Variants in MAML1 observed in about 807,000 individuals in gnomAD.
MAML1 encodes the protein mastermind-like protein 1.
In MAML1, 14 loss-of-function variants were observed where a neutral mutation model predicts 77.1. That is an observed-to-expected ratio of 0.18 (90% CI 0.12 to 0.28). The LOEUF (loss-of-function observed/expected upper bound fraction) is 0.28. Ranked by LOEUF, MAML1 falls within the 10% of genes least tolerant of loss-of-function variation. The pLI is 1.00. For missense variants in MAML1, 1,217 were observed against 1,327.8 expected (o/e 0.92, Z 1.30); for synonymous variants, 516 against 551.9 (o/e 0.93, Z 0.91).
At position 179,775,942 on chromosome 5, in the gene MAML1, C is replaced by T. The variant is rs146518257; in HGVS notation, c.*1065C>T. 6.4e-5 allele frequency: 63 copies of T among 985,684 alleles called. No individual in the cohort carries two copies. The African/African-American group carries it at 8.7e-4, about 14-fold the overall frequency. The allele number at this position is 985,684 out of a possible 1,614,324, so 61.1% of individuals were successfully genotyped here. On this transcript the variant is annotated 3_prime_UTR_variant, in exon 5 of 5. Transcript: ENST00000292599. ...TTGGGGAAGGAGGCCGTAGGCCGGC[C>T]CGGAGGAAGCAATTCCACTTGGTTT... is the stretch of plus-strand genomic sequence containing the variant.
At chr5:179,765,220 C>A in intron 1 of MAML1, 106 bp from the exon 2 acceptor site, 1 of 943,662 alleles carries the variant, frequency 1.1e-6, no homozygotes, top group Non-Finnish European at 1.6e-6. Flanking sequence ...ACTATGCAAG[C>A]AGAACCCACT....
In MAML1 at chr5:179,766,719, G is replaced by A. The variant is rs142522300; in HGVS notation, c.1709G>A (p.Arg570Gln). 1.6e-4 allele frequency: 257 copies of A among 1,557,770 alleles called. No individual in the cohort carries two copies. Among genetic ancestry groups the A allele is most frequent in the South Asian group, 2.5e-4 (21 of 83,230 alleles). Residue 570 changes from arginine to glutamine, a missense_variant, in exon 2 of 5, where the codon CGA becomes CAA. Transcript: ENST00000292599. This position sits in a 1 kb window ranked among gnomAD's most constrained non-coding sequence, Gnocchi z 4.0. Reference sequence around the variant, plus strand: ...CCAAAGCCAGGAAATATGCCTTTCCGATCACTGGTTCCACCTGGCCAGGTA... The same window carrying A: ...CCAAAGCCAGGAAATATGCCTTTCCAATCACTGGTTCCACCTGGCCAGGTA... ...MKPKPGNMPF[R>Q]SLVPPGQEQN... is the part of the protein sequence containing the mutation.
At chr5:179,748,335 G>C (rs182396018) in intron 1 of MAML1, among the ~76,000 whole-genome samples, 1 of 152,002 alleles carries the variant, frequency 6.6e-6, no homozygotes, top group Non-Finnish European at 1.5e-5. Flanking sequence ...ACCCACCTCA[G>C]CCTCTCAAAG....
intron 1 of MAML1, among the ~76,000 whole-genome samples, chr5:179,755,289 CAAAG>C (rs1779588767): frequency 6.6e-6 from 1 of 152,172 alleles, no homozygotes; most frequent in African/African-American, 2.4e-5. Context: ...AACAAAAAGA[CAAAG>C]AACAGAGTGA....
chr5:179,746,063 G>C (rs1246807592), intron 1 of MAML1, among the ~76,000 whole-genome samples: 1 of 150,622 alleles, frequency 6.6e-6, no homozygotes, highest in Non-Finnish European at 1.5e-5. Context: ...AAAAAAAATG[G>C]CTTGGCACGG....
At chr5:179,752,325 CAAAAAAAAAAA>C (rs1177449054) in intron 1 of MAML1, among the ~76,000 whole-genome samples, 22 of 53,644 alleles carry the variant, frequency 4.1e-4, no homozygotes, top group African/African-American at 8.6e-4. Flanking sequence ...ACTCTGTCTC[CAAAAAAAAAAA>C]AAAAAAAAAA....
At chr5:179,743,386 T>TA (rs1779319652) in intron 1 of MAML1, among the ~76,000 whole-genome samples, 1 of 142,290 alleles carries the variant, frequency 7.0e-6, no homozygotes, top group Admixed American at 7.0e-5. Context: ...TTTTTTTTTT[T>TA]AAGAGAGTCT....
In MAML1 at chr5:179,771,620, CT is replaced by C. The variant is rs1755992563; in HGVS notation, c.2068+379del. Among the ~76,000 whole-genome samples the C allele has an allele frequency of 6.6e-6, 1 of 152,252 alleles. No homozygotes were observed. Among genetic ancestry groups the C allele is most frequent in the African/African-American group, 2.4e-5 (1 of 41,460 alleles). ...ATCTTCCAGATAAGGACTTAATGCA[CT>C]TGCGTGGCCTTTGGCTTCTTTCTCT... On this transcript the variant is annotated intron_variant, in intron 4 of 4. Coordinates refer to ENST00000292599, the MANE Select transcript of MAML1 (RefSeq NM_014757.5). This position sits in a 1 kb window ranked among gnomAD's most constrained non-coding sequence, Gnocchi z 4.7.
At chr5:179,754,508 A>G (rs1056711665) in intron 1 of MAML1, among the ~76,000 whole-genome samples, 1 of 151,878 alleles carries the variant, frequency 6.6e-6, no homozygotes, top group African/African-American at 2.4e-5. Flanking sequence ...GTGGGAAGAT[A>G]GAGCTCGGGA....
chr5:179,760,855 G>C (rs564294572), intron 1 of MAML1, among the ~76,000 whole-genome samples: 2 of 152,192 alleles, frequency 1.3e-5, no homozygotes, highest in Non-Finnish European at 2.9e-5. Flanking sequence ...ACTTTGGGAG[G>C]CCGAGGTGGG....
rs1045588311 is a variant in MAML1, at chr5:179,736,048, T to C, written c.315+2621T>C. Among the ~76,000 whole-genome samples, 6 of 152,282 alleles carry C rather than the reference T, an allele frequency of 3.9e-5. 1 individual carries two copies. Among genetic ancestry groups the C allele is most frequent in the Admixed American group, 2.6e-4 (4 of 15,300 alleles). On this transcript the variant is annotated intron_variant, in intron 1 of 4. Transcript: ENST00000292599. Reference sequence around the variant, plus strand: ...TTAGGTCGCATCTTTTCAACTAGACTGTCAGCTCTTGGAGGCAGGGAGGGC... The same window carrying C: ...TTAGGTCGCATCTTTTCAACTAGACCGTCAGCTCTTGGAGGCAGGGAGGGC...
Position 179,776,172 on chromosome 5 carries a change from T to C in MAML1, c.*1295T>C. 1 of 985,860 alleles carries C rather than the reference T, an allele frequency of 1.0e-6. No individual in the cohort carries two copies. 61.1% of individuals were successfully genotyped at this position (985,860 alleles called of 1,614,324 possible). A position where few individuals can be genotyped will look rare whatever the true frequency, so the allele number is the denominator to read the frequency against. ...CGAAAGCAAAGTGGTAAGCACAGGG[T>C]GAGACCCTTTTACACAGAATGGTGG... On this transcript the variant is annotated 3_prime_UTR_variant, in exon 5 of 5. Coordinates refer to ENST00000292599, the MANE Select transcript of MAML1 (RefSeq NM_014757.5).
chr5:179,753,654 ATTTTT>A (rs1209995171), intron 1 of MAML1, among the ~76,000 whole-genome samples: 13 of 88,852 alleles, frequency 1.5e-4, no homozygotes, highest in East Asian at 6.6e-4. Flanking sequence ...TATTATTATT[ATTTTT>A]TTTTTTTTTT....
intron 1 of MAML1, among the ~76,000 whole-genome samples, chr5:179,750,069 G>A (rs1779456852): frequency 6.6e-6 from 1 of 152,238 alleles, no homozygotes; most frequent in African/African-American, 2.4e-5. Context: ...CATCCAGCAG[G>A]GGCAGTGCTG....
intron 1 of MAML1, among the ~76,000 whole-genome samples, chr5:179,735,832 C>A: frequency 6.6e-6 from 1 of 152,008 alleles, no homozygotes; most frequent in East Asian, 1.9e-4. Context: ...GGATTACAGG[C>A]GCACACTACC....
intron 1 of MAML1, among the ~76,000 whole-genome samples, chr5:179,761,326 T>G (rs1779721971): frequency 6.6e-6 from 1 of 151,884 alleles, no homozygotes; most frequent in Admixed American, 6.6e-5. Context: ...CCCAGGAGTT[T>G]GAGGCTGCCA....
Position 179,775,782 on chromosome 5 carries a change from A to G in MAML1, c.*905A>G, listed in dbSNP as rs1209010935. On this transcript the variant is annotated 3_prime_UTR_variant, in exon 5 of 5. Coordinates refer to ENST00000292599, the MANE Select transcript of MAML1 (RefSeq NM_014757.5). Reference sequence around the variant, plus strand: ...GTGGTCACTGTGCAGTTGTGCACAGATGTCTTTCCTTTACCGTTGGCCTTT... The same window carrying G: ...GTGGTCACTGTGCAGTTGTGCACAGGTGTCTTTCCTTTACCGTTGGCCTTT... 5 of 985,386 alleles carry G rather than the reference A, an allele frequency of 5.1e-6. No individual in the cohort carries two copies. In the African/African-American group the frequency reaches 7.0e-5, roughly 14 times the overall value. The allele number at this position is 985,386 out of a possible 1,614,324, so 61.0% of individuals were successfully genotyped here. A position where few individuals can be genotyped will look rare whatever the true frequency, so the allele number is the denominator to read the frequency against.
Position 179,769,143 on chromosome 5 carries a change from C to T in MAML1, c.1971+54C>T, listed in dbSNP as rs1025444249. 1.2e-5 allele frequency: 19 copies of T among 1,601,552 alleles called. No homozygotes were observed. Among genetic ancestry groups the T allele is most frequent in the Middle Eastern group, 1.8e-4 (1 of 5,640 alleles). ...GCTTCCCACCTTTGCCTGCACCCTG[C>T]GTCACTGCTACAGTCACACCTTCTG... On this transcript the variant is annotated intron_variant, in intron 3 of 4. Transcript: ENST00000292599. The surrounding 1 kb of genome is among the most constrained non-coding windows in gnomAD (Gnocchi z 4.2).
chr5:179,771,999 A>G lies in MAML1; in HGVS notation c.2068+756A>G, dbSNP rs76987396. On this transcript the variant is annotated intron_variant, in intron 4 of 4. Coordinates refer to ENST00000292599, the MANE Select transcript of MAML1 (RefSeq NM_014757.5). This position sits in a 1 kb window ranked among gnomAD's most constrained non-coding sequence, Gnocchi z 4.7. Reference sequence around the variant, plus strand: ...GGGTCAACGTGGGGTTGAAATCTGCAGGCATTTCAGAAGCATGGGTCTGAC... The same window carrying G: ...GGGTCAACGTGGGGTTGAAATCTGCGGGCATTTCAGAAGCATGGGTCTGAC... 0.025 allele frequency among the ~76,000 whole-genome samples: 3,812 copies of G among 152,302 alleles called. 71 individuals carry two copies. Among genetic ancestry groups the G allele is most frequent in the Non-Finnish European group, 0.039 (2,649 of 68,014 alleles).
Sources: gnomAD v4.1 joint callset for allele counts (sites outside exome capture counted in the v4.1 genomes callset) on GRCh38, gnomAD v4.1.1 for gene constraint, Gnocchi (gnomAD v3.1) non-coding constraint, MANE v1.5 for transcripts, NCBI Gene and HGNC (gene_info 2026-07-23, HGNC 2026-07-21) for gene names.